The following SORBS2 variants were observed in gnomAD, a reference collection of about 807,000 sequenced individuals.
SORBS2 encodes sorbin and SH3 domain containing 2.
SORBS2 carries 46 observed loss-of-function variants against 97.7 expected under a neutral mutation model. That is an observed-to-expected ratio of 0.47 (90% CI 0.37 to 0.60). SORBS2 has a LOEUF of 0.60. Ranked by LOEUF, SORBS2 falls within the 20% of genes least tolerant of loss-of-function variation. The pLI is 0.00. For missense variants in SORBS2, 1,316 were observed against 1,282.3 expected, an observed-to-expected ratio of 1.03 and a Z score of -0.40; for synonymous variants, 476 against 473.4, an observed-to-expected ratio of 1.01 and a Z score of -0.07.
At chr4:185,792,850 C>A (rs4862571) in intron 1 of SORBS2, among the ~76,000 whole-genome samples, 52,952 of 152,022 alleles carry the variant, frequency 0.35, 9,892 homozygotes, top group East Asian at 0.46. Flanking sequence ...AAACTGTTGA[C>A]AGTGCAGGGT....
At chr4:185,928,251 A>G (rs1040153506) in intron 1 of SORBS2, among the ~76,000 whole-genome samples, 1 of 151,996 alleles carries the variant, frequency 6.6e-6, no homozygotes, top group Non-Finnish European at 1.5e-5. Context: ...ATAAAAAATA[A>G]AAATTATTTG....
chr4:185,864,984 G>A (rs1269727366), intron 1 of SORBS2, among the ~76,000 whole-genome samples: 2 of 151,914 alleles, frequency 1.3e-5, no homozygotes, highest in African/African-American at 2.4e-5. Flanking sequence ...AAGGATGAAC[G>A]GGAGGGGCGG....
At chr4:185,711,495 C>T (rs115227235) in intron 2 of SORBS2, among the ~76,000 whole-genome samples, 40 of 152,348 alleles carry the variant, frequency 2.6e-4, no homozygotes, top group African/African-American at 9.6e-4. Flanking sequence ...TGTACAGCAA[C>T]AGCCAGGTGA....
chr4:185,887,465 G>A (rs1165214361), intron 1 of SORBS2, among the ~76,000 whole-genome samples: 1 of 152,180 alleles, frequency 6.6e-6, no homozygotes, highest in East Asian at 1.9e-4. Flanking sequence ...AAACTTGCGG[G>A]CATCGCAGAC....
At chr4:185,659,662 C>T (rs1005103580), upstream of SORBS2, among the ~76,000 whole-genome samples, 1 of 152,060 alleles carries the variant, frequency 6.6e-6, no homozygotes, top group African/African-American at 2.4e-5. Flanking sequence ...ACCTCGTGAT[C>T]CACCCGCCTC....
At chr4:185,687,308 G>C (rs1419947563) in intron 2 of SORBS2, among the ~76,000 whole-genome samples, 1 of 152,152 alleles carries the variant, frequency 6.6e-6, no homozygotes, top group Non-Finnish European at 1.5e-5. Context: ...AATTACAGGC[G>C]TGAGCCACCG....
Position 185,624,507 on chromosome 4 carries a change from A to G in SORBS2, c.635-13T>C. 6.3e-7 allele frequency: 1 copy of G among 1,587,570 alleles called. No homozygotes were observed. The highest frequency in any genetic ancestry group is 1.1e-5 in the South Asian group (1 of 89,274). The stretch of plus-strand genomic sequence containing the variant: ...CTATCATCCCCACCTTTTAATCCAG[A>G]GCAGCGTGGTAGAAGAGAGACATTT... On this transcript the variant is annotated splice_polypyrimidine_tract_variant and intron_variant, in intron 6 of 14. Transcript: ENST00000418609.
At chr4:185,771,427 C>T (rs988355601) in intron 2 of SORBS2, 5 of 152,326 alleles carry the variant, frequency 3.3e-5, no homozygotes, top group Admixed American at 6.5e-5. Flanking sequence ...TCCATTTGAA[C>T]ATCTTCCTTT....
upstream of SORBS2, chr4:185,657,436 T>G: frequency 6.4e-7 from 1 of 1,556,596 alleles, no homozygotes. Flanking sequence ...TTCTAATTGC[T>G]GTGGGGATTC....
chr4:185,790,182 G>A (rs920783277), intron 1 of SORBS2, among the ~76,000 whole-genome samples: 7 of 151,502 alleles, frequency 4.6e-5, no homozygotes, highest in South Asian at 2.1e-4. Context: ...AGTCATCTGC[G>A]CACAACACAT....
intron 1 of SORBS2, among the ~76,000 whole-genome samples, chr4:185,891,331 C>T (rs756078178): frequency 1.3e-5 from 2 of 152,134 alleles, no homozygotes; most frequent in Non-Finnish European, 2.9e-5. Context: ...ACCTCCAAAC[C>T]GCCTTTAGTC....
At chr4:185,839,457 G>A (rs2099210190) in intron 1 of SORBS2, among the ~76,000 whole-genome samples, 1 of 152,166 alleles carries the variant, frequency 6.6e-6, no homozygotes, top group Non-Finnish European at 1.5e-5. Context: ...CGGTCCAGTA[G>A]GAGGGCTGCA....
chr4:185,787,072 C>G (rs1336202253), intron 1 of SORBS2, among the ~76,000 whole-genome samples: 2 of 151,096 alleles, frequency 1.3e-5, no homozygotes, highest in African/African-American at 4.9e-5. Flanking sequence ...ATTGGCTACT[C>G]CATCAAGTGG....
intron 4 of SORBS2, among the ~76,000 whole-genome samples, chr4:185,663,354 G>A (rs2097547829): frequency 6.6e-6 from 1 of 152,052 alleles, no homozygotes; most frequent in Non-Finnish European, 1.5e-5. Flanking sequence ...AAAGCAAATG[G>A]GTTTTCAAAT....
At chr4:185,940,324 C>T (rs1579595814) in intron 1 of SORBS2, among the ~76,000 whole-genome samples, 1 of 152,182 alleles carries the variant, frequency 6.6e-6, no homozygotes, top group Non-Finnish European at 1.5e-5. Flanking sequence ...GACAGAATTA[C>T]TGATTTATTA....
intron 1 of SORBS2, among the ~76,000 whole-genome samples, chr4:185,813,605 C>T (rs2099190681): frequency 6.6e-6 from 1 of 152,228 alleles, no homozygotes; most frequent in Non-Finnish European, 1.5e-5. Flanking sequence ...GCCCACGTTT[C>T]AGAATCCTGC....
intron 1 of SORBS2, among the ~76,000 whole-genome samples, chr4:185,938,420 A>G (rs556881764): frequency 6.6e-6 from 1 of 151,480 alleles, no homozygotes; most frequent in Non-Finnish European, 1.5e-5. Flanking sequence ...ACACACACAC[A>G]CACACACACA....
At chr4:185,819,400 G>A (rs923090994) in intron 1 of SORBS2, among the ~76,000 whole-genome samples, 4 of 152,202 alleles carry the variant, frequency 2.6e-5, no homozygotes, top group African/African-American at 7.2e-5. Flanking sequence ...GCTTGAGTTG[G>A]CCTCTTTGAA....
At chr4:185,732,846 A>G (rs1395696173) in intron 2 of SORBS2, among the ~76,000 whole-genome samples, 1 of 152,244 alleles carries the variant, frequency 6.6e-6, no homozygotes, top group Non-Finnish European at 1.5e-5. Flanking sequence ...TACTGGAGAA[A>G]AGTGAGCCCT....
Sources: allele counts gnomAD v4.1 joint callset (sites outside exome capture counted in the v4.1 genomes callset), GRCh38; gene constraint gnomAD v4.1.1; transcripts MANE v1.5; gene names NCBI Gene and HGNC (gene_info 2026-07-23, HGNC 2026-07-21).